The following FGD6 variants were observed in gnomAD, a reference collection of about 807,000 sequenced individuals.
FGD6 encodes FYVE, RhoGEF and PH domain-containing protein 6.
In FGD6, 90 loss-of-function variants were observed where a neutral mutation model predicts 149.4. The ratio of observed to expected loss-of-function variants is 0.60; its 90% CI spans 0.51 to 0.72. The LOEUF (loss-of-function observed/expected upper bound fraction) is 0.72, where lower values mean the gene tolerates loss of function less well. Among genes scored for constraint, FGD6 ranks in the 30% least tolerant of loss-of-function variants. The pLI is 0.00. For synonymous variants in FGD6, 527 were observed against 584.0 expected, an observed-to-expected ratio of 0.90 and a Z score of 1.41; for missense variants, 1,437 against 1,684.8, an observed-to-expected ratio of 0.85 and a Z score of 2.57.
At chr12:95,133,375 G>C (rs541824777) in intron 8 of FGD6, among the ~76,000 whole-genome samples, 1 of 152,108 alleles carries the variant, frequency 6.6e-6, no homozygotes, top group East Asian at 1.9e-4. Flanking sequence ...CCAAGATGGC[G>C]CCACTGCACT....
At chr12:95,157,839 T>C (rs368941215) in intron 3 of FGD6, among the ~76,000 whole-genome samples, 1 of 152,174 alleles carries the variant, frequency 6.6e-6, no homozygotes, top group East Asian at 1.9e-4. Flanking sequence ...TATGTTTTAC[T>C]CAACTACATT....
At chr12:95,183,305 C>T (rs963446729) in intron 2 of FGD6, among the ~76,000 whole-genome samples, 15 of 152,212 alleles carry the variant, frequency 9.9e-5, no homozygotes, top group African/African-American at 3.4e-4. Flanking sequence ...CAATCACATC[C>T]TCTCATGGGA....
chr12:95,127,424 GT>G (rs1482673300), intron 8 of FGD6, among the ~76,000 whole-genome samples: 2 of 152,216 alleles, frequency 1.3e-5, no homozygotes, highest in East Asian at 3.9e-4. Flanking sequence ...CGTGCCTGTA[GT>G]CCCAGCTACT....
intron 2 of FGD6, among the ~76,000 whole-genome samples, chr12:95,190,214 G>A (rs1219151480): frequency 6.6e-6 from 1 of 152,184 alleles, no homozygotes; most frequent in Non-Finnish European, 1.5e-5. Context: ...CTGTCGCTCA[G>A]GCTGGAGTGC....
chr12:95,168,320 G>A, intron 3 of FGD6, among the ~76,000 whole-genome samples: 1 of 152,162 alleles, frequency 6.6e-6, no homozygotes, highest in East Asian at 1.9e-4. Flanking sequence ...TAAGATTACA[G>A]AAAGCTTGAT....
At position 95,113,483 on chromosome 12, in the gene FGD6, G is replaced by A. The variant is rs529489619; in HGVS notation, c.3133+168C>T. ...ACTCTTGACCTCAGGTGATCTACCC[G>A]CCTCGGCCTCCCAAACTGCTGGGAT... On this transcript the variant is annotated intron_variant, in intron 9 of 20. Transcript: ENST00000343958. Among the ~76,000 whole-genome samples the A allele has an allele frequency of 3.4e-4, 51 of 151,986 alleles. No individual in the cohort carries two copies. Among genetic ancestry groups the A allele is most frequent in the African/African-American group, 1.1e-3 (44 of 41,448 alleles).
intron 2 of FGD6, among the ~76,000 whole-genome samples, chr12:95,202,301 C>G (rs996899713): frequency 3.3e-5 from 5 of 151,790 alleles, no homozygotes; most frequent in African/African-American, 1.2e-4. Flanking sequence ...GCAGGAGAAT[C>G]TCTTCAACCC....
At chr12:95,116,401 G>A (rs1396902814) in intron 8 of FGD6, among the ~76,000 whole-genome samples, 5 of 152,116 alleles carry the variant, frequency 3.3e-5, no homozygotes, top group Non-Finnish European at 4.4e-5. Context: ...GACTCATGGC[G>A]ACTTCCTAGT....
At position 95,092,166 on chromosome 12, in the gene FGD6, A is replaced by T. The variant is rs568490947; in HGVS notation, c.3748-357T>A. ...TCATCATCATAATCACTGCTGCAGC[A>T]ACGACCACGTCTCTGCAACTCTACC... On this transcript the variant is annotated intron_variant, in intron 16 of 20. Coordinates refer to ENST00000343958, the MANE Select transcript of FGD6 (RefSeq NM_018351.4). Among the ~76,000 whole-genome samples the T allele has an allele frequency of 3.3e-5, 5 of 152,336 alleles. No individual in the cohort carries two copies. In the South Asian group the frequency reaches 1.0e-3, roughly 32 times the overall value.
chr12:95,122,645 CAAAAAAAAAAAA>C (rs397687285), intron 8 of FGD6, among the ~76,000 whole-genome samples: 2 of 64,430 alleles, frequency 3.1e-5, no homozygotes, highest in Non-Finnish European at 5.4e-5. Flanking sequence ...GACTCAGTCT[CAAAAAAAAAAAA>C]AAAAAAAAAA....
At chr12:95,126,453 C>A in intron 8 of FGD6, 1 of 910,964 alleles carries the variant, frequency 1.1e-6, no homozygotes, top group Non-Finnish European at 1.6e-6. Flanking sequence ...CAAAGGCCAG[C>A]CATGGTGGCT....
intron 20 of FGD6, among the ~76,000 whole-genome samples, chr12:95,082,235 C>T (rs370749635): frequency 6.6e-6 from 1 of 152,156 alleles, no homozygotes; most frequent in South Asian, 2.1e-4. Context: ...AACACTAGTT[C>T]CCTGTCTCCT....
At chr12:95,138,946 C>G (rs1268577981) in intron 6 of FGD6, among the ~76,000 whole-genome samples, 1 of 145,546 alleles carries the variant, frequency 6.9e-6, no homozygotes, top group African/African-American at 2.6e-5. Flanking sequence ...AGCAGGATGT[C>G]TGTTTTGTGC....
chr12:95,163,851 A>C (rs1460685614), intron 3 of FGD6, among the ~76,000 whole-genome samples: 1 of 152,352 alleles, frequency 6.6e-6, no homozygotes, highest in East Asian at 1.9e-4. Context: ...AATGGATTAT[A>C]ATCATCTTCA....
chr12:95,125,178 G>A (rs1163595205), intron 8 of FGD6, among the ~76,000 whole-genome samples: 2 of 152,072 alleles, frequency 1.3e-5, no homozygotes, highest in African/African-American at 2.4e-5. Context: ...AAAAATTTAA[G>A]AACTCCTGTT....
Position 95,209,036 on chromosome 12 carries a change from T to A in FGD6, c.2248A>T (p.Asn750Tyr). 3.1e-6 allele frequency: 5 copies of A among 1,614,174 alleles called. No individual in the cohort carries two copies. The highest frequency in any genetic ancestry group is 4.2e-6 in the Non-Finnish European group (5 of 1,180,028). Residue 750 changes from asparagine to tyrosine, a missense_variant, in exon 2 of 21, where the codon AAT becomes TAT. By Grantham distance (143) the Asn-to-Tyr change is moderately radical. Transcript: ENST00000343958. Reference protein sequence around the residue: ...VTSLCAPEYENIRHYEEIPEY... With the variant: ...VTSLCAPEYEYIRHYEEIPEY... The stretch of plus-strand genomic sequence containing the variant: ...GGTATTTCCTCATAATGGCGTATAT[T>A]TTCATACTCCGGTGCACAGAGGCTT...
rs371990039 is a variant in FGD6 at position 95,107,746 on chromosome 12, C to T, written c.3265-115G>A. 2.1e-4 allele frequency: 218 copies of T among 1,023,464 alleles called. No homozygotes were observed. In the East Asian group the frequency reaches 2.8e-3, roughly 13 times the overall value. 63.4% of individuals were successfully genotyped at this position (1,023,464 alleles called of 1,614,324 possible). ...TTTTTCATGACAGACTGGGGAGCCA[C>T]AGTTTCCTTGAGATTTTTTACAGTC... On this transcript the variant is annotated intron_variant, in intron 11 of 20. Coordinates refer to ENST00000343958, the MANE Select transcript of FGD6 (RefSeq NM_018351.4).
chr12:95,132,441 T>C (rs1879548275), intron 8 of FGD6, among the ~76,000 whole-genome samples: 2 of 152,110 alleles, frequency 1.3e-5, no homozygotes, highest in East Asian at 1.9e-4. Context: ...CTTAGAACAG[T>C]CGTAGTGTGT....
intron 2 of FGD6, among the ~76,000 whole-genome samples, chr12:95,174,479 C>G (rs542136891): frequency 2.0e-5 from 3 of 152,124 alleles, no homozygotes; most frequent in African/African-American, 4.8e-5. Flanking sequence ...CACAACCCAC[C>G]GAATCAGGAT....
Sources: gnomAD v4.1 joint callset for allele counts (sites outside exome capture counted in the v4.1 genomes callset) on GRCh38, gnomAD v4.1.1 for gene constraint, MANE v1.5 for transcripts, NCBI Gene and HGNC (gene_info 2026-07-23, HGNC 2026-07-21) for gene names.